Variants in RABGEF1 observed in about 807,000 individuals in gnomAD.
RABGEF1 encodes the protein rab5 GDP/GTP exchange factor.
A neutral mutation model predicts 57.3 loss-of-function variants in RABGEF1; 26 were observed. The observed-to-expected ratio is 0.45, with a 90% CI of 0.33 to 0.63. The LOEUF is 0.63. Ranked by LOEUF, RABGEF1 falls within the 20% of genes least tolerant of loss-of-function variation. RABGEF1 has a pLI of 0.02. For synonymous variants in RABGEF1, 185 were observed against 210.7 expected, an observed-to-expected ratio of 0.88 and a Z score of 1.06; for missense variants, 464 against 607.6, an observed-to-expected ratio of 0.76 and a Z score of 2.48.
chr7:66,768,431 G>A (rs1384629382), intron 1 of RABGEF1, among the ~76,000 whole-genome samples: 1 of 152,170 alleles, frequency 6.6e-6, no homozygotes, highest in African/African-American at 2.4e-5. Context: ...TATACATTCT[G>A]GGTATGTAAG....
chr7:66,685,885 A>T (rs1790549047), intron 1 of RABGEF1, among the ~76,000 whole-genome samples: 1 of 152,206 alleles, frequency 6.6e-6, no homozygotes, highest in Non-Finnish European at 1.5e-5. Flanking sequence ...TCTAGCAGAG[A>T]TGACCTATCC....
chr7:66,754,629 G>A (rs1451474323), intron 1 of RABGEF1, among the ~76,000 whole-genome samples: 2 of 152,012 alleles, frequency 1.3e-5, no homozygotes, highest in Non-Finnish European at 2.9e-5. Flanking sequence ...TCAGCTGGAT[G>A]TCATTTACAT....
chr7:66,692,074 C>CAAAT (rs1791599784), intron 1 of RABGEF1, among the ~76,000 whole-genome samples: 2 of 151,158 alleles, frequency 1.3e-5, no homozygotes, highest in South Asian at 2.1e-4. Flanking sequence ...AACAAACAAA[C>CAAAT]AAACAAATAA....
chr7:66,684,239 T>C (rs1584602336), intron 1 of RABGEF1, among the ~76,000 whole-genome samples: 1 of 151,418 alleles, frequency 6.6e-6, no homozygotes, highest in Non-Finnish European at 1.5e-5. Context: ...AGGTCAGGAG[T>C]TCAAGACCAG....
intron 1 of RABGEF1, among the ~76,000 whole-genome samples, chr7:66,687,338 T>TCAGTCTCAAACTCCTGAACTGAGGTGATC (rs1790823113): frequency 6.6e-6 from 1 of 151,222 alleles, no homozygotes; most frequent in African/African-American, 2.4e-5. Flanking sequence ...GTTGGCCAGG[T>TCAGTCTCAAACTCCTGAACTGAGGTGATC]CAGTCTCAAA....
the RABGEF1 span, among the ~76,000 whole-genome samples, chr7:66,663,053 G>A: frequency 6.6e-6 from 1 of 152,246 alleles, no homozygotes; most frequent in Non-Finnish European, 1.5e-5. Flanking sequence ...GCCCGCCCAG[G>A]GCGGAAAACC....
At position 66,783,781 on chromosome 7, in the gene RABGEF1, G is replaced by A. The variant is rs1237521353; in HGVS notation, c.453G>A (p.Lys151=). Residue 151 remains lysine, a synonymous_variant, in exon 4 of 9, where the codon AAG becomes AAA. Transcript: ENST00000284957. ...TAGAATTTCTCAAGACCTTCCACAA[G>A]ACAGGCCAAGAAATCTATAAACAGA... ...EFIEFLKTFH[K]TGQEIYKQTK... is the part of the protein sequence containing the mutation. 1 of 1,613,620 alleles carries A rather than the reference G, an allele frequency of 6.2e-7. No homozygotes were observed. The highest frequency in any genetic ancestry group is 2.2e-5 in the East Asian group (1 of 44,840).
intron 2 of RABGEF1, among the ~76,000 whole-genome samples, chr7:66,722,845 G>T (rs1047514229): frequency 2.0e-5 from 3 of 152,156 alleles, no homozygotes; most frequent in Non-Finnish European, 2.9e-5. Flanking sequence ...TTTTGATAAG[G>T]ATTACACTGA....
At chr7:66,697,925 C>T (rs1002695168) in intron 1 of RABGEF1, among the ~76,000 whole-genome samples, 3 of 152,138 alleles carry the variant, frequency 2.0e-5, no homozygotes, top group Non-Finnish European at 2.9e-5. Flanking sequence ...ATCCTATTTC[C>T]CTCCATGAGC....
chr7:66,744,021 TTTTTC>T (rs147814665), intron 1 of RABGEF1, among the ~76,000 whole-genome samples: 40,067 of 148,160 alleles, frequency 0.27, 6,748 homozygotes, highest in Non-Finnish European at 0.37. Context: ...ATTATTTGCT[TTTTTC>T]TTTTCTTTTC....
chr7:66,764,097 A>G (rs1489298177), intron 1 of RABGEF1, among the ~76,000 whole-genome samples: 2 of 152,244 alleles, frequency 1.3e-5, no homozygotes, highest in South Asian at 2.1e-4. Flanking sequence ...CAAACAGTAT[A>G]TGAGGGTTCC....
chr7:66,726,665 C>CCCTGACCTCCACCATTACCACCAT (rs1392549091), intron 2 of RABGEF1, among the ~76,000 whole-genome samples: 1 of 151,968 alleles, frequency 6.6e-6, no homozygotes, highest in African/African-American at 2.4e-5. Context: ...CTGCACCCAG[C>CCCTGACCTCCACCATTACCACCAT]CCAAAAAGCA....
upstream of RABGEF1, among the ~76,000 whole-genome samples, chr7:66,678,888 C>A (rs1789494002): frequency 6.6e-6 from 1 of 152,138 alleles, no homozygotes; most frequent in African/African-American, 2.4e-5. Flanking sequence ...AGATGGTAAC[C>A]ACGTTTTCAT....
chr7:66,677,928 G>C (rs1193053874), upstream of RABGEF1, among the ~76,000 whole-genome samples: 1 of 151,862 alleles, frequency 6.6e-6, no homozygotes, highest in Admixed American at 6.6e-5. Flanking sequence ...AGCCAGGCGT[G>C]GTGGCGTGCA....
chr7:66,666,856 G>A, the RABGEF1 span, among the ~76,000 whole-genome samples: 1 of 152,200 alleles, frequency 6.6e-6, no homozygotes, highest in Non-Finnish European at 1.5e-5. Context: ...GCAGAAATTT[G>A]CAGGGGCAGG....
intron 3 of RABGEF1, among the ~76,000 whole-genome samples, chr7:66,783,090 G>A (rs1322772376): frequency 6.6e-6 from 1 of 152,176 alleles, no homozygotes; most frequent in Non-Finnish European, 1.5e-5. Context: ...TCTCTTCATT[G>A]TATGCTTTGT....
At position 66,769,479 on chromosome 7, in the gene RABGEF1, C is replaced by G. The variant is rs373115125; in HGVS notation, c.-17-2404C>G. On this transcript the variant is annotated intron_variant, in intron 1 of 8. Coordinates refer to ENST00000284957, the MANE Select transcript of RABGEF1 (RefSeq NM_014504.3). ...CTCAATCTTTAGTTAGGCTTCCACT[C>G]TGATCAGCAGAGCATGTGCATACAC... 8.0e-4 allele frequency among the ~76,000 whole-genome samples: 122 copies of G among 152,304 alleles called. 2 individuals are homozygous for G. The South Asian group carries it at 0.024, about 31-fold the overall frequency.
chr7:66,741,361 GGCT>G (rs1327923464), intron 1 of RABGEF1, among the ~76,000 whole-genome samples: 1 of 152,208 alleles, frequency 6.6e-6, no homozygotes, highest in African/African-American at 2.4e-5. Flanking sequence ...TCCACCCCGT[GGCT>G]GAGGGCGAGG....
chr7:66,739,776 A>G (rs186767007), upstream of RABGEF1: 2 of 152,162 alleles, frequency 1.3e-5, no homozygotes, highest in African/African-American at 2.4e-5. Flanking sequence ...CAGCCACAGC[A>G]TAGTATTTTC....
Sources: gnomAD v4.1 joint callset for allele counts (sites outside exome capture counted in the v4.1 genomes callset) on GRCh38, gnomAD v4.1.1 for gene constraint, MANE v1.5 for transcripts, NCBI Gene and HGNC (gene_info 2026-07-23, HGNC 2026-07-21) for gene names.